Variants in SPAG17 observed in about 807,000 individuals in gnomAD.
The protein encoded by SPAG17 is sperm associated antigen 17.
SPAG17 carries 169 observed loss-of-function variants against 273.6 expected under a neutral mutation model. The observed-to-expected ratio is 0.62, with a 90% CI of 0.55 to 0.70. SPAG17 has a LOEUF of 0.70. Among genes scored for constraint, SPAG17 ranks in the 30% least tolerant of loss-of-function variants. The pLI, the probability that SPAG17 is intolerant of heterozygous loss-of-function variation, is 0.00. For missense variants in SPAG17, 2,557 were observed against 2,627.8 expected, an observed-to-expected ratio of 0.97 and a Z score of 0.59; for synonymous variants, 825 against 873.2, an observed-to-expected ratio of 0.94 and a Z score of 0.97.
At position 118,051,918 on chromosome 1, in the gene SPAG17, TA is replaced by T. The variant is rs1358138163; in HGVS notation, c.2814+2083del. Among the ~76,000 whole-genome samples, 4 of 135,224 alleles carry T rather than the reference TA, an allele frequency of 3.0e-5. 1 individual carries two copies. Among genetic ancestry groups the T allele is most frequent in the African/African-American group, 1.1e-4 (4 of 36,328 alleles). 88.7% of individuals were successfully genotyped at this position (135,224 alleles called of 152,430 possible). ...ATAATATATAAACTATTATAATACA[TA>T]AACTATTATAATATATATAATACTA... On this transcript the variant is annotated intron_variant, in intron 20 of 48. Transcript: ENST00000336338.
In SPAG17 at chr1:118,081,161, T is replaced by C. The variant is rs369834964; in HGVS notation, c.2149A>G (p.Asn717Asp). 82 of 1,613,952 alleles carry C rather than the reference T, an allele frequency of 5.1e-5. No homozygotes were observed. The highest frequency in any genetic ancestry group is 2.5e-4 in the Admixed American group (15 of 59,996). Residue 717 changes from asparagine to aspartate, a missense_variant, in exon 15 of 49, where the codon AAT (asparagine) becomes GAT (aspartate). Physicochemically the swap from Asn to Asp is conservative, Grantham distance 23 (BLOSUM62 1). Coordinates refer to ENST00000336338, the MANE Select transcript of SPAG17 (RefSeq NM_206996.4). ...LNNLKLSVPD[N>D]RQLLEQESIM... The stretch of plus-strand genomic sequence containing the variant: ...CTCTCCTGCTCTAACAGCTGTCTAT[T>C]ATCAGGGACTGAGAGTTTGAGATTA...
At chr1:118,012,177 TAC>T (rs780150247) in intron 30 of SPAG17, 49 bp downstream of exon 30, 1 of 1,560,814 alleles carries the variant, frequency 6.4e-7, no homozygotes, top group East Asian at 2.3e-5. Flanking sequence ...CTATCTAACT[TAC>T]GCTAAAGAGT....
intron 48 of SPAG17, chr1:117,960,107 C>T (rs1345859953): frequency 9.0e-6 from 1 of 110,774 alleles, no homozygotes; most frequent in East Asian, 2.6e-4. Flanking sequence ...AATTAATACA[C>T]TCGTGTGTGT....
chr1:118,084,126 A>T (rs1654812229), intron 13 of SPAG17, among the ~76,000 whole-genome samples: 1 of 152,096 alleles, frequency 6.6e-6, no homozygotes, highest in South Asian at 2.1e-4. Context: ...CAGGACACAG[A>T]AAAAGGACAG....
intron 32 of SPAG17, among the ~76,000 whole-genome samples, chr1:117,997,460 T>C (rs1657778900): frequency 6.6e-6 from 1 of 151,228 alleles, no homozygotes; most frequent in African/African-American, 2.4e-5. Context: ...TCAGGGCTTA[T>C]CTACATATCA....
At chr1:118,116,188 C>T (rs939537841) in intron 3 of SPAG17, among the ~76,000 whole-genome samples, 1 of 152,070 alleles carries the variant, frequency 6.6e-6, no homozygotes, top group Non-Finnish European at 1.5e-5. Flanking sequence ...TTCCTTGGAG[C>T]CCTATAACCA....
chr1:117,982,577 G>A (rs1439858660), intron 42 of SPAG17, among the ~76,000 whole-genome samples: 1 of 152,162 alleles, frequency 6.6e-6, no homozygotes, highest in Non-Finnish European at 1.5e-5. Flanking sequence ...GTTTACTAGA[G>A]AGAAACACTA....
rs180882615 is a variant in SPAG17 at position 118,136,196 on chromosome 1, G to A, written c.315+14347C>T. Among the ~76,000 whole-genome samples, 274 of 152,258 alleles carry A rather than the reference G, an allele frequency of 1.8e-3. 1 individual carries two copies. The highest frequency in any genetic ancestry group is 4.0e-3 in the South Asian group (19 of 4,808). On this transcript the variant is annotated intron_variant, in intron 3 of 48. Transcript: ENST00000336338. ...TTTAGGGGTTCCAGCAAAGAGCATT[G>A]CCTGTTTGAGAAAATGTCATGTTCC...
At chr1:118,063,183 C>T in intron 18 of SPAG17, among the ~76,000 whole-genome samples, 1 of 152,094 alleles carries the variant, frequency 6.6e-6, no homozygotes, top group East Asian at 1.9e-4. Context: ...AGATTCAATG[C>T]CATCCCCATC....
At chr1:118,156,028 C>T (rs1447093427) in intron 1 of SPAG17, among the ~76,000 whole-genome samples, 1 of 152,176 alleles carries the variant, frequency 6.6e-6, no homozygotes, top group Non-Finnish European at 1.5e-5. Flanking sequence ...ATATAATAAA[C>T]AAGAATACTA....
chr1:118,084,752 C>T (rs1654852096), intron 13 of SPAG17, among the ~76,000 whole-genome samples: 1 of 152,168 alleles, frequency 6.6e-6, no homozygotes, highest in Admixed American at 6.5e-5. Flanking sequence ...TTCCTGACTC[C>T]TGCTCAGTAA....
intron 4 of SPAG17, among the ~76,000 whole-genome samples, chr1:118,103,840 A>AGTGTGTGTGTGTGT (rs60797775): frequency 0.53 from 72,718 of 136,036 alleles, 20,004 homozygotes; most frequent in Admixed American, 0.58. Context: ...GGGAAAATGT[A>AGTGTGTGTGTGTGT]GTGTGTGTGT....
chr1:118,136,981 G>C (rs189616043), intron 3 of SPAG17, among the ~76,000 whole-genome samples: 1 of 152,154 alleles, frequency 6.6e-6, no homozygotes, highest in Non-Finnish European at 1.5e-5. Context: ...CTGGGGGAAA[G>C]AGCAAATCAG....
At chr1:118,099,896 T>C in intron 5 of SPAG17, 96 bp from the exon 6 acceptor site, 1 of 1,064,246 alleles carries the variant, frequency 9.4e-7, no homozygotes, top group African/African-American at 1.6e-5. Flanking sequence ...TGCATGCATT[T>C]ATAATCCCTC....
At chr1:118,113,096 A>C (rs899908598) in intron 4 of SPAG17, among the ~76,000 whole-genome samples, 1 of 152,152 alleles carries the variant, frequency 6.6e-6, no homozygotes, top group African/African-American at 2.4e-5. Context: ...ATTCTTAAAA[A>C]TACAATTTCA....
rs530540262 is a variant in SPAG17, at chr1:118,006,362, G to T, written c.4588-760C>A. 6.1e-4 allele frequency among the ~76,000 whole-genome samples: 93 copies of T among 152,306 alleles called. 1 individual carries two copies. Among genetic ancestry groups the T allele is most frequent in the South Asian group, 3.7e-3 (18 of 4,826 alleles). Reference sequence around the variant, plus strand: ...GGAAGCATGTACTCTGTGGCCTTTTGTGTCTGGCTTCTTTCAGTTAGCATA... The same window carrying T: ...GGAAGCATGTACTCTGTGGCCTTTTTTGTCTGGCTTCTTTCAGTTAGCATA... On this transcript the variant is annotated intron_variant, in intron 31 of 48. Coordinates refer to ENST00000336338, the MANE Select transcript of SPAG17 (RefSeq NM_206996.4).
intron 13 of SPAG17, among the ~76,000 whole-genome samples, chr1:118,083,838 G>A (rs547194685): frequency 6.6e-6 from 1 of 152,270 alleles, no homozygotes; most frequent in Admixed American, 6.5e-5. Context: ...GTTTTCGATA[G>A]AAAGTAGTTG....
intron 18 of SPAG17, among the ~76,000 whole-genome samples, chr1:118,056,278 T>G (rs190556646): frequency 6.6e-6 from 1 of 152,200 alleles, no homozygotes; most frequent in South Asian, 2.1e-4. Flanking sequence ...CCACTGTTAG[T>G]TGGAGAATAA....
At position 117,990,921 on chromosome 1, in the gene SPAG17, G is replaced by C; in HGVS notation, c.5476-15C>G. 1 of 1,487,322 alleles carries C rather than the reference G, an allele frequency of 6.7e-7. No homozygotes were observed. Among genetic ancestry groups the C allele is most frequent in the Non-Finnish European group, 9.2e-7 (1 of 1,083,050 alleles). 92.1% of individuals were successfully genotyped at this position (1,487,322 alleles called of 1,614,324 possible). Reference sequence around the variant, plus strand: ...TTAGGGAAAGACTGAAATGAAGATAGAATTACTTATGATGATTATATTACT... The same window carrying C: ...TTAGGGAAAGACTGAAATGAAGATACAATTACTTATGATGATTATATTACT... On this transcript the variant is annotated splice_polypyrimidine_tract_variant and intron_variant, in intron 37 of 48. Transcript: ENST00000336338.
Sources: allele counts gnomAD v4.1 joint callset (sites outside exome capture counted in the v4.1 genomes callset), GRCh38; gene constraint gnomAD v4.1.1; transcripts MANE v1.5; gene names NCBI Gene and HGNC (gene_info 2026-07-23, HGNC 2026-07-21).